LRRC4C: variants seen among roughly 807,000 people sequenced by gnomAD.
LRRC4C encodes the protein leucine-rich repeat-containing protein 4C.
Under a neutral mutation model 33.6 loss-of-function variants are expected in LRRC4C, and 5 were observed. The observed-to-expected ratio is 0.15, with a 90% CI of 0.08 to 0.31. The LOEUF (loss-of-function observed/expected upper bound fraction) is 0.31, where lower values mean the gene tolerates loss of function less well. Among genes scored for constraint, LRRC4C ranks in the 10% least tolerant of loss-of-function variants. The pLI is 1.00. For synonymous variants in LRRC4C, 329 were observed against 302.0 expected, an observed-to-expected ratio of 1.09 and a Z score of -0.93; for missense variants, 560 against 796.7, an observed-to-expected ratio of 0.70 and a Z score of 3.58.
At chr11:41,197,323 G>A (rs1045124773) in intron 1 of LRRC4C, among the ~76,000 whole-genome samples, 1 of 151,972 alleles carries the variant, frequency 6.6e-6, no homozygotes, top group Non-Finnish European at 1.5e-5. Context: ...TGTGATGGTG[G>A]ATTCTGATGC....
intron 3 of LRRC4C, among the ~76,000 whole-genome samples, chr11:40,562,001 A>C (rs1023382371): frequency 6.6e-6 from 1 of 152,220 alleles, no homozygotes; most frequent in Non-Finnish European, 1.5e-5. Flanking sequence ...TTATATTGAA[A>C]CTATCCAATA....
intron 2 of LRRC4C, among the ~76,000 whole-genome samples, chr11:40,724,911 GA>G (rs1313614565): frequency 1.1e-4 from 16 of 152,108 alleles, no homozygotes; most frequent in Admixed American, 1.3e-4. Context: ...ACAGTATAGA[GA>G]AGAGACTCAG....
chr11:41,125,752 G>C (rs1379486375), intron 1 of LRRC4C, among the ~76,000 whole-genome samples: 1 of 152,108 alleles, frequency 6.6e-6, no homozygotes, highest in Non-Finnish European at 1.5e-5. Flanking sequence ...TCAACCCACA[G>C]CAAGGACATT....
At chr11:40,600,766 GAGATGT>G (rs1959908714) in intron 3 of LRRC4C, among the ~76,000 whole-genome samples, 1 of 152,156 alleles carries the variant, frequency 6.6e-6, no homozygotes, top group Admixed American at 6.5e-5. Context: ...AAGTCAATAA[GAGATGT>G]AGATAGACTA....
chr11:41,210,791 C>T (rs1946791596), intron 1 of LRRC4C, among the ~76,000 whole-genome samples: 1 of 152,148 alleles, frequency 6.6e-6, no homozygotes, highest in Admixed American at 6.5e-5. Flanking sequence ...ACATTTAAAT[C>T]AGCAGTCCCC....
chr11:40,934,076 T>C (rs2136494585), intron 1 of LRRC4C, among the ~76,000 whole-genome samples: 1 of 152,328 alleles, frequency 6.6e-6, no homozygotes, highest in African/African-American at 2.4e-5. Context: ...GCAAGGTCTA[T>C]TTTTGTCAAA....
chr11:40,280,511 C>T (rs1943401831), intron 4 of LRRC4C, among the ~76,000 whole-genome samples: 4 of 152,158 alleles, frequency 2.6e-5, no homozygotes. Flanking sequence ...ATCTTACTAT[C>T]CTCTCACTCA....
intron 3 of LRRC4C, among the ~76,000 whole-genome samples, chr11:40,565,384 G>A (rs1480342521): frequency 2.0e-5 from 3 of 152,148 alleles, no homozygotes; most frequent in African/African-American, 7.2e-5. Flanking sequence ...ATTTCAAGAT[G>A]TACTGTAGAG....
intron 2 of LRRC4C, among the ~76,000 whole-genome samples, chr11:40,752,615 A>C (rs532039923): frequency 1.3e-4 from 20 of 152,112 alleles, no homozygotes; most frequent in East Asian, 7.7e-4. Context: ...GCAACAACAA[A>C]AAAAAACAGA....
At chr11:40,137,402 A>T (rs1857056374) in intron 6 of LRRC4C, among the ~76,000 whole-genome samples, 1 of 152,064 alleles carries the variant, frequency 6.6e-6, no homozygotes, top group Non-Finnish European at 1.5e-5. Context: ...AACACTAGGC[A>T]TATTGCTGCA....
In LRRC4C at chr11:40,431,032, G is replaced by T. The variant is rs556359073; in HGVS notation, c.-269-111311C>A. 2.8e-3 allele frequency among the ~76,000 whole-genome samples: 401 copies of T among 145,186 alleles called. 2 individuals carry two copies. Among genetic ancestry groups the T allele is most frequent in the Middle Eastern group, 0.011 (3 of 280 alleles). ...TTAGTGGGTGCAGCGCACCAGCATGGCACATGTATACATATGTAACTAACC... is the reference window on the plus strand; with the variant it reads ...TTAGTGGGTGCAGCGCACCAGCATGTCACATGTATACATATGTAACTAACC... On this transcript the variant is annotated intron_variant, in intron 3 of 6. Transcript: ENST00000528697.
At chr11:41,296,724 T>C (rs1475551374) in intron 1 of LRRC4C, among the ~76,000 whole-genome samples, 2 of 152,182 alleles carry the variant, frequency 1.3e-5, no homozygotes, top group Non-Finnish European at 2.9e-5. Flanking sequence ...CTTAGCATTT[T>C]TTTTTCTTTC....
rs572393943 is a variant in LRRC4C, at chr11:40,335,414, A to C, written c.-269-15693T>G. 2.0e-5 allele frequency among the ~76,000 whole-genome samples: 3 copies of C among 152,332 alleles called. 1 individual carries two copies. The highest frequency in any genetic ancestry group is 7.2e-5 in the African/African-American group (3 of 41,580). On this transcript the variant is annotated intron_variant, in intron 3 of 6. Coordinates refer to ENST00000528697, the MANE Select transcript of LRRC4C (RefSeq NM_001258419.2). ...AGACAGAAGGTGAACTTTCTTATCA[A>C]AGGGCTTTTCTAACACCCTTCCAAA...
At chr11:40,347,584 T>A (rs1449937454) in intron 3 of LRRC4C, among the ~76,000 whole-genome samples, 1 of 152,320 alleles carries the variant, frequency 6.6e-6, no homozygotes. Context: ...AGATGTGCAA[T>A]ATTTCCTTTC....
At chr11:40,913,157 G>A (rs1956777872) in intron 2 of LRRC4C, among the ~76,000 whole-genome samples, 1 of 152,050 alleles carries the variant, frequency 6.6e-6, no homozygotes, top group African/African-American at 2.4e-5. Context: ...AAGTCAACAA[G>A]GATACCCAGG....
At chr11:41,335,013 ATCTAG>A (rs1247828968) in intron 1 of LRRC4C, among the ~76,000 whole-genome samples, 2 of 152,152 alleles carry the variant, frequency 1.3e-5, no homozygotes, top group Non-Finnish European at 2.9e-5. Context: ...TCTGGTCCCA[ATCTAG>A]TCTGTCTTCA....
At chr11:40,716,049 CA>C (rs34904324) in intron 2 of LRRC4C, among the ~76,000 whole-genome samples, 77,595 of 149,776 alleles carry the variant, frequency 0.52, 20,101 homozygotes, top group African/African-American at 0.54. Context: ...CAAAAACAAA[CA>C]AAAAAAAAAC....
intron 1 of LRRC4C, chr11:41,426,590 A>G (rs1955051265): frequency 6.6e-6 from 1 of 152,172 alleles, no homozygotes; most frequent in African/African-American, 2.4e-5. Context: ...AAACAAGCAG[A>G]CTCACTGCCT....
chr11:41,434,469 A>G (rs1158401510), intron 1 of LRRC4C, among the ~76,000 whole-genome samples: 2 of 152,126 alleles, frequency 1.3e-5, no homozygotes, highest in Non-Finnish European at 2.9e-5. Context: ...CATAAGCCTC[A>G]TTTTTGTATC....
Sources: allele counts gnomAD v4.1 joint callset (sites outside exome capture counted in the v4.1 genomes callset), GRCh38; gene constraint gnomAD v4.1.1; transcripts MANE v1.5; gene names NCBI Gene and HGNC (gene_info 2026-07-23, HGNC 2026-07-21).